The following GALNT3 variants were observed in gnomAD, a reference collection of about 807,000 sequenced individuals.
The protein encoded by GALNT3 is polypeptide N-acetylgalactosaminyltransferase 3.
GALNT3 carries 51 observed loss-of-function variants against 69.8 expected under a neutral mutation model. That is an observed-to-expected ratio of 0.73 (90% CI 0.58 to 0.92). The LOEUF is 0.92. Among genes scored for constraint, GALNT3 ranks in the 40% least tolerant of loss-of-function variants. The pLI is 0.00. For missense variants in GALNT3, 711 were observed against 760.0 expected, an observed-to-expected ratio of 0.94 and a Z score of 0.76; for synonymous variants, 265 against 248.5, an observed-to-expected ratio of 1.07 and a Z score of -0.63.
chr2:165,760,907 T>G (rs1226958242), intron 4 of GALNT3, among the ~76,000 whole-genome samples: 3 of 152,080 alleles, frequency 2.0e-5, no homozygotes, highest in Non-Finnish European at 4.4e-5. Context: ...CTTCAAAAAC[T>G]TTGACTCTGA....
Position 165,761,898 on chromosome 2 carries a change from T to A in GALNT3, c.838+7A>T, listed in dbSNP as rs768713973. On this transcript the variant is annotated splice_region_variant and intron_variant, in intron 4 of 10. Coordinates refer to ENST00000392701, the MANE Select transcript of GALNT3 (RefSeq NM_004482.4). ...TGTTACAACCATATCCATACATATA[T>A]ACTTACAGTGAGCATCTAAAAATGT... is the stretch of plus-strand genomic sequence containing the variant. 1.9e-6 allele frequency: 3 copies of A among 1,613,970 alleles called. No individual in the cohort carries two copies. In the South Asian group the frequency reaches 3.3e-5, roughly 18 times the overall value.
At position 165,785,237 on chromosome 2, in the gene GALNT3, T is replaced by TA. The variant is rs371841727; in HGVS notation, c.-109+8777dup. Among the ~76,000 whole-genome samples, 639 of 152,082 alleles carry TA rather than the reference T, an allele frequency of 4.2e-3. 3 individuals are homozygous for TA. The highest frequency in any genetic ancestry group is 0.014 in the African/African-American group (593 of 41,464). ...AAAGAGATAAATTATGATGGAGTAA[T>TA]ATGATTAAATATTATGCAAAGTAAA... On this transcript the variant is annotated intron_variant, in intron 1 of 10. Transcript: ENST00000392701.
chr2:165,755,099 T>A, intron 7 of GALNT3, 36 bp from the exon 8 acceptor site: 1 of 1,560,258 alleles, frequency 6.4e-7, no homozygotes. Flanking sequence ...AATGCTTAAT[T>A]AAAACAACAT....
intron 1 of GALNT3, among the ~76,000 whole-genome samples, chr2:165,772,382 C>T (rs1383288300): frequency 1.3e-5 from 2 of 151,910 alleles, no homozygotes; most frequent in Non-Finnish European, 2.9e-5. Flanking sequence ...ACCAGGAGTT[C>T]GAGACCAGCC....
At chr2:165,789,737 T>C (rs1683303244) in intron 1 of GALNT3, among the ~76,000 whole-genome samples, 1 of 151,980 alleles carries the variant, frequency 6.6e-6, no homozygotes, top group Non-Finnish European at 1.5e-5. Context: ...TTTTTGGATG[T>C]TAGAAAGGTG....
intron 9 of GALNT3, 61 bp from the exon 10 acceptor site, chr2:165,749,955 A>G: frequency 7.0e-7 from 1 of 1,437,218 alleles, no homozygotes; most frequent in Non-Finnish European, 9.8e-7. Flanking sequence ...TGCAAAATAA[A>G]TAAATAAATC....
At chr2:165,790,230 A>C (rs1189316555) in intron 1 of GALNT3, among the ~76,000 whole-genome samples, 1 of 152,218 alleles carries the variant, frequency 6.6e-6, no homozygotes, top group Non-Finnish European at 1.5e-5. Context: ...GCCAAAAATA[A>C]GAGCCCAACT....
chr2:165,789,570 C>G (rs1210920366), intron 1 of GALNT3, among the ~76,000 whole-genome samples: 2 of 152,152 alleles, frequency 1.3e-5, no homozygotes, highest in East Asian at 3.9e-4. Flanking sequence ...TCCCAAATCT[C>G]TGCAGCAAAA....
chr2:165,784,318 G>A (rs185093408), intron 1 of GALNT3, among the ~76,000 whole-genome samples: 17 of 152,296 alleles, frequency 1.1e-4, no homozygotes, highest in South Asian at 2.1e-4. Context: ...AATGATTGTC[G>A]TTGAAGTTGT....
chr2:165,790,285 T>C (rs1683316342), intron 1 of GALNT3, among the ~76,000 whole-genome samples: 1 of 152,184 alleles, frequency 6.6e-6, no homozygotes, highest in African/African-American at 2.4e-5. Context: ...CAGTAGTCTC[T>C]AATGACCTAG....
intron 1 of GALNT3, among the ~76,000 whole-genome samples, chr2:165,779,749 GA>G (rs1308366810): frequency 1.3e-5 from 2 of 152,042 alleles, no homozygotes; most frequent in African/African-American, 4.8e-5. Context: ...AAAGCTGATT[GA>G]AAAAAAATTT....
chr2:165,762,374 T>C (rs1040492709), intron 3 of GALNT3, among the ~76,000 whole-genome samples: 1 of 152,186 alleles, frequency 6.6e-6, no homozygotes, highest in African/African-American at 2.4e-5. Context: ...AAGACTCATT[T>C]AGAGGTCTGA....
Position 165,748,902 on chromosome 2 carries a change from T to C in GALNT3, c.1781A>G (p.Asp594Gly), listed in dbSNP as rs1391979879. ...TAAGAATGGATTGTATAGAAGTTGATCCTAGAATAAAAGGAAACAACAGAC... is the reference window on the plus strand; with the variant it reads ...TAAGAATGGATTGTATAGAAGTTGACCCTAGAATAAAAGGAAACAACAGAC... ...TGEQIWEIQK[D>G]QLLYNPFLKM... Residue 594 changes from aspartate (D) to glycine (G), a missense_variant and splice_region_variant, in exon 11 of 11, where the codon GAT becomes GGT. By Grantham distance (94) the Asp-to-Gly change is moderately conservative. Transcript: ENST00000392701. 2 of 1,608,948 alleles carry C rather than the reference T, an allele frequency of 1.2e-6. No individual in the cohort carries two copies. Among genetic ancestry groups the C allele is most frequent in the Non-Finnish European group, 1.7e-6 (2 of 1,176,710 alleles).
In GALNT3 at chr2:165,759,454, GTT is replaced by G. The variant is rs1470359676; in HGVS notation, c.953_954del (p.Lys318ThrfsTer7). ...TTATGGTTACTTCCATAAGGAGAAGGTTTGTTGAATTCAAACGTGTTCAGATC... is the reference window on the plus strand; with the variant it reads ...TTATGGTTACTTCCATAAGGAGAAGGTGTTGAATTCAAACGTGTTCAGATC... ...SIDLNTFEFNKPSPYGSNHNR... is the reference protein window; with the variant it reads ...SIDLNTFEFNXPSPYGSNHNR... On this transcript the variant is annotated frameshift_variant, in exon 5 of 11. Coordinates refer to ENST00000392701, the MANE Select transcript of GALNT3 (RefSeq NM_004482.4). LOFTEE classifies it high-confidence loss of function. 1.2e-6 allele frequency: 2 copies of G among 1,613,876 alleles called. No homozygotes were observed. Among genetic ancestry groups the G allele is most frequent in the African/African-American group, 2.7e-5 (2 of 74,908 alleles).
chr2:165,765,757 G>A (rs1487810427), intron 2 of GALNT3, among the ~76,000 whole-genome samples: 1 of 151,752 alleles, frequency 6.6e-6, no homozygotes, highest in Non-Finnish European at 1.5e-5. Context: ...CAAAGTGCTG[G>A]GATTACACAC....
chr2:165,767,200 T>C (rs1468684196), intron 2 of GALNT3, among the ~76,000 whole-genome samples: 1 of 151,892 alleles, frequency 6.6e-6, no homozygotes, highest in Non-Finnish European at 1.5e-5. Flanking sequence ...CCCATAAAAG[T>C]TTATAACCAA....
Position 165,748,612 on chromosome 2 carries a change from C to G in GALNT3, c.*169G>C. 1.6e-6 allele frequency: 1 copy of G among 625,696 alleles called. No individual in the cohort carries two copies. Among genetic ancestry groups the G allele is most frequent in the Non-Finnish European group, 2.8e-6 (1 of 361,740 alleles). 38.8% of individuals were successfully genotyped at this position (625,696 alleles called of 1,614,324 possible). Reference sequence around the variant, plus strand: ...TAGTTATTGTGCTTTGAAACAGAAACTTGCAGAATTTCTGTAGTAGTGCTA... The same window carrying G: ...TAGTTATTGTGCTTTGAAACAGAAAGTTGCAGAATTTCTGTAGTAGTGCTA... On this transcript the variant is annotated 3_prime_UTR_variant, in exon 11 of 11. Transcript: ENST00000392701.
intron 9 of GALNT3, among the ~76,000 whole-genome samples, chr2:165,751,067 T>A (rs1688349828): frequency 1.3e-5 from 2 of 152,166 alleles, no homozygotes; most frequent in Non-Finnish European, 2.9e-5. Context: ...TGTGTAGACC[T>A]GGCTTCCCCA....
rs142160781 is a variant in GALNT3 at position 165,757,611 on chromosome 2, T to C, written c.1192-364A>G. Among the ~76,000 whole-genome samples, 224 of 152,332 alleles carry C rather than the reference T, an allele frequency of 1.5e-3. 7 individuals carry two copies. In the East Asian group the frequency reaches 0.04, roughly 27 times the overall value. On this transcript the variant is annotated intron_variant, in intron 6 of 10. Transcript: ENST00000392701. Reference sequence around the variant, plus strand: ...TTGACTTCTGTCTGAACTACTGACATAGTCACTTCACTTAAACTAGAGTTT... The same window carrying C: ...TTGACTTCTGTCTGAACTACTGACACAGTCACTTCACTTAAACTAGAGTTT...
Sources: allele counts gnomAD v4.1 joint callset (sites outside exome capture counted in the v4.1 genomes callset), GRCh38; gene constraint gnomAD v4.1.1; transcripts MANE v1.5; gene names NCBI Gene and HGNC (gene_info 2026-07-23, HGNC 2026-07-21).